LDLRAD3: variants seen among roughly 807,000 people sequenced by gnomAD.
LDLRAD3 encodes the protein low-density lipoprotein receptor class A domain-containing protein 3.
Under a neutral mutation model 29.4 loss-of-function variants are expected in LDLRAD3, and 20 were observed. The observed-to-expected ratio is 0.68, with a 90% CI of 0.48 to 0.99. The LOEUF (loss-of-function observed/expected upper bound fraction) is 0.99. LDLRAD3 is among the 50% of genes least tolerant of loss of function. The pLI is 0.00. For synonymous variants in LDLRAD3, 157 were observed against 192.7 expected, an observed-to-expected ratio of 0.81 and a Z score of 1.53; for missense variants, 420 against 454.3, an observed-to-expected ratio of 0.92 and a Z score of 0.69.
At chr11:35,991,865 G>A (rs1851695360) in intron 1 of LDLRAD3, among the ~76,000 whole-genome samples, 1 of 71,540 alleles carries the variant, frequency 1.4e-5, no homozygotes, top group African/African-American at 3.9e-5. Context: ...TTGAATGGTT[G>A]TTTGTGTGTG....
chr11:36,016,012 C>T (rs111456393), intron 1 of LDLRAD3, among the ~76,000 whole-genome samples: 1 of 152,188 alleles, frequency 6.6e-6, no homozygotes, highest in Non-Finnish European at 1.5e-5. Flanking sequence ...TGTGAGCTCA[C>T]AGGGAGGGCA....
At chr11:36,083,360 T>C (rs895469355) in intron 3 of LDLRAD3, among the ~76,000 whole-genome samples, 27 of 152,232 alleles carry the variant, frequency 1.8e-4, no homozygotes, top group African/African-American at 6.3e-4. Context: ...TAAATATTTT[T>C]CTTCTCATTA....
At chr11:36,124,083 A>G (rs982749667) in intron 4 of LDLRAD3, among the ~76,000 whole-genome samples, 2 of 152,228 alleles carry the variant, frequency 1.3e-5, no homozygotes, top group African/African-American at 4.8e-5. Flanking sequence ...TGCCTGCATA[A>G]TTGTCCAAAG....
intron 3 of LDLRAD3, among the ~76,000 whole-genome samples, chr11:36,091,892 C>T (rs959062338): frequency 1.3e-5 from 2 of 152,186 alleles, no homozygotes; most frequent in African/African-American, 4.8e-5. Flanking sequence ...GACCAGGCCC[C>T]ATGGGACCAC....
intron 1 of LDLRAD3, among the ~76,000 whole-genome samples, chr11:35,973,151 G>A (rs1029873503): frequency 5.6e-5 from 3 of 53,450 alleles, no homozygotes; most frequent in Non-Finnish European, 1.1e-4. Flanking sequence ...CCTCAGTTTT[G>A]TTTTGTTTTG....
chr11:35,958,455 T>A (rs263091), intron 1 of LDLRAD3, among the ~76,000 whole-genome samples: 2 of 152,142 alleles, frequency 1.3e-5, no homozygotes, highest in African/African-American at 4.8e-5. Context: ...CTTTATTTTC[T>A]TCTGTTCAGT....
At chr11:36,078,776 G>A (rs576218693) in intron 2 of LDLRAD3, among the ~76,000 whole-genome samples, 2 of 152,240 alleles carry the variant, frequency 1.3e-5, no homozygotes, top group African/African-American at 2.4e-5. Flanking sequence ...CTCCATGACC[G>A]ACCACACTGC....
intron 4 of LDLRAD3, among the ~76,000 whole-genome samples, chr11:36,191,576 C>CTCTCTCTATATATATATA (rs377747518): frequency 3.7e-5 from 2 of 53,432 alleles, no homozygotes; most frequent in African/African-American, 1.7e-4. Context: ...CTCTCTCTCT[C>CTCTCTCTATATATATATA]TATATATATA....
intron 4 of LDLRAD3, among the ~76,000 whole-genome samples, chr11:36,186,563 C>T (rs757755120): frequency 2.0e-5 from 3 of 152,178 alleles, no homozygotes; most frequent in Non-Finnish European, 4.4e-5. Context: ...TGCCAAGAGA[C>T]ATGTGAGTTA....
intron 1 of LDLRAD3, among the ~76,000 whole-genome samples, chr11:35,951,762 A>C (rs1041253490): frequency 2.6e-5 from 4 of 152,174 alleles, no homozygotes; most frequent in Non-Finnish European, 1.5e-5. Flanking sequence ...GGACATTCTA[A>C]ATAGCAGGTC....
At chr11:36,059,781 G>T (rs1852670778) in intron 2 of LDLRAD3, among the ~76,000 whole-genome samples, 1 of 151,928 alleles carries the variant, frequency 6.6e-6, no homozygotes, top group Non-Finnish European at 1.5e-5. Flanking sequence ...TTTGTTTTTT[G>T]TTTTTTCTTT....
At position 35,987,706 on chromosome 11, in the gene LDLRAD3, T is replaced by TG. The variant is rs1197312682; in HGVS notation, c.46+43564dup. On this transcript the variant is annotated intron_variant, in intron 1 of 5. Coordinates refer to ENST00000315571, the MANE Select transcript of LDLRAD3 (RefSeq NM_174902.4). ...GATTCCATGTCTTTGCTATTGTGAATGGTGCTACGTTGAACATACGAGTGC... is the reference window on the plus strand; with the variant it reads ...GATTCCATGTCTTTGCTATTGTGAATGGGTGCTACGTTGAACATACGAGTGC... Among the ~76,000 whole-genome samples, 9 of 152,350 alleles carry TG rather than the reference T, an allele frequency of 5.9e-5. No individual in the cohort carries two copies. The South Asian group carries it at 1.9e-3, about 32-fold the overall frequency.
At chr11:36,227,967 A>G (rs1288961534) in intron 5 of LDLRAD3, among the ~76,000 whole-genome samples, 1 of 152,244 alleles carries the variant, frequency 6.6e-6, no homozygotes, top group Non-Finnish European at 1.5e-5. Context: ...GGCTTCATCT[A>G]TAAAATAAAG....
At chr11:36,071,347 A>G (rs540489321) in intron 2 of LDLRAD3, among the ~76,000 whole-genome samples, 3 of 152,344 alleles carry the variant, frequency 2.0e-5, no homozygotes, top group Admixed American at 1.3e-4. Context: ...GAGGCAGTCA[A>G]CAGTCAAAAG....
At chr11:35,966,994 C>T (rs1851350342) in intron 1 of LDLRAD3, 1 of 170,634 alleles carries the variant, frequency 5.9e-6, no homozygotes. Context: ...GGGCTGTTTC[C>T]TGTTTTCTTC....
chr11:36,207,169 C>T (rs867861274), intron 4 of LDLRAD3, among the ~76,000 whole-genome samples: 2 of 152,204 alleles, frequency 1.3e-5, no homozygotes, highest in Non-Finnish European at 1.5e-5. Context: ...ATGAGAGCCT[C>T]AGTCCCTCAC....
chr11:36,158,074 C>T (rs2133334673), intron 4 of LDLRAD3, among the ~76,000 whole-genome samples: 1 of 152,230 alleles, frequency 6.6e-6, no homozygotes, highest in East Asian at 1.9e-4. Flanking sequence ...ATTCTATTCC[C>T]TTCTTTTCGT....
chr11:36,197,457 G>C (rs1016591806), intron 4 of LDLRAD3: 1 of 152,252 alleles, frequency 6.6e-6, no homozygotes, highest in Non-Finnish European at 1.5e-5. Flanking sequence ...GTTGTGCTGG[G>C]TACACAGTCT....
intron 3 of LDLRAD3, among the ~76,000 whole-genome samples, chr11:36,089,431 AT>A (rs34553102): frequency 0.035 from 5,096 of 146,188 alleles, 111 homozygotes; most frequent in East Asian, 0.11. Flanking sequence ...TTCCCAATAC[AT>A]TTTTTTTTTT....
Sources: gnomAD v4.1 joint callset for allele counts (sites outside exome capture counted in the v4.1 genomes callset) on GRCh38, gnomAD v4.1.1 for gene constraint, MANE v1.5 for transcripts, NCBI Gene and HGNC (gene_info 2026-07-23, HGNC 2026-07-21) for gene names.